The following WDR75 variants were observed in gnomAD, a reference collection of about 807,000 sequenced individuals.
The protein encoded by WDR75 is WD repeat domain 75, also known as WD repeat-containing protein 75.
A neutral mutation model predicts 106.1 loss-of-function variants in WDR75; 52 were observed. The observed-to-expected ratio is 0.49, with a 90% CI of 0.39 to 0.62. The LOEUF (loss-of-function observed/expected upper bound fraction) is 0.62, where lower values mean the gene tolerates loss of function less well. WDR75 is among the 20% of genes least tolerant of loss of function. The probability of loss-of-function intolerance (pLI) is 0.00; values close to 1 mark genes in which losing one functional copy is unlikely to be tolerated. For synonymous variants in WDR75, 333 were observed against 335.5 expected (o/e 0.99, Z 0.08); for missense variants, 905 against 970.3 (o/e 0.93, Z 0.89).
chr2:189,466,625 A>G (rs1272479892), intron 13 of WDR75, 43 bp downstream of exon 13: 8 of 1,558,130 alleles, frequency 5.1e-6, no homozygotes, highest in Middle Eastern at 3.4e-4. Context: ...GCACAATTTT[A>G]GGAATTAATT....
chr2:189,450,221 A>C, intron 2 of WDR75: 1 of 985,444 alleles, frequency 1.0e-6, no homozygotes, highest in Non-Finnish European at 1.2e-6. Context: ...TTTTAAGCAG[A>C]ATATTCTTCA....
At chr2:189,474,915 T>C in intron 20 of WDR75, 107 bp downstream of exon 20, 1 of 938,672 alleles carries the variant, frequency 1.1e-6, no homozygotes, top group South Asian at 1.5e-5. Flanking sequence ...TTTTATTTCA[T>C]AAGTTTTAAA....
chr2:189,468,608 C>T (rs1457391785), intron 15 of WDR75, 39 bp downstream of exon 15: 27 of 1,595,698 alleles, frequency 1.7e-5, no homozygotes, highest in Admixed American at 3.3e-5. Flanking sequence ...TGGCAAAGCG[C>T]ATAAGGAGTT....
At chr2:189,450,527 G>A (rs1391620927) in intron 2 of WDR75, 1 of 961,892 alleles carries the variant, frequency 1.0e-6, no homozygotes, top group Non-Finnish European at 1.3e-6. Flanking sequence ...ATGTTGGCCA[G>A]GCTGGTCTCG....
chr2:189,458,191 G>A (rs1382983795), intron 6 of WDR75, among the ~76,000 whole-genome samples: 1 of 152,116 alleles, frequency 6.6e-6, no homozygotes. Context: ...CGAAAGTGCT[G>A]GGATTACAGG....
chr2:189,451,893 C>T lies in WDR75; in HGVS notation c.371C>T (p.Pro124Leu), dbSNP rs751072525. The change falls in exon 4 of 21, where the codon CCA becomes CTA. Residue 124 changes from proline (P) to leucine (L), a missense_variant and splice_region_variant. Transcript: ENST00000314761. ...TTTGTTATAGTGAATAAAGAAAAAC[C>T]AGGTATGGTATAATTAACTTACTAT... ...SVFVIVNKEK[P>L]DIFQLVSVKL... The T allele has an allele frequency of 1.2e-6, 2 of 1,610,028 alleles. No homozygotes were observed. Among genetic ancestry groups the T allele is most frequent in the South Asian group, 2.2e-5 (2 of 90,972 alleles).
intron 2 of WDR75, chr2:189,449,767 TA>T: frequency 1.0e-6 from 1 of 984,582 alleles, no homozygotes; most frequent in Non-Finnish European, 1.2e-6. Flanking sequence ...AATTGTGATA[TA>T]AATTTCCTAG....
intron 18 of WDR75, 25 bp downstream of exon 18, chr2:189,470,903 G>C: frequency 6.4e-7 from 1 of 1,556,226 alleles, no homozygotes; most frequent in Non-Finnish European, 8.7e-7. Context: ...TTCATAGCAG[G>C]ATGTATTGCC....
intron 12 of WDR75, 55 bp downstream of exon 12, chr2:189,465,309 A>G (rs1574200899): frequency 2.0e-5 from 30 of 1,491,640 alleles, no homozygotes; most frequent in South Asian, 2.7e-5. Flanking sequence ...TTCACTTCCC[A>G]TTTTACAGTT....
chr2:189,462,439 T>G (rs1249100941), intron 8 of WDR75, 45 bp from the exon 9 acceptor site: 2 of 1,585,568 alleles, frequency 1.3e-6, no homozygotes, highest in East Asian at 4.5e-5. Flanking sequence ...TTTCTCTTTT[T>G]TCCTCAAAAC....
At chr2:189,463,000 G>T (rs1178925450) in intron 9 of WDR75, among the ~76,000 whole-genome samples, 1 of 152,128 alleles carries the variant, frequency 6.6e-6, no homozygotes, top group African/African-American at 2.4e-5. Flanking sequence ...AATACTGCAA[G>T]ATTCTCTTTT....
chr2:189,469,389 C>T lies in WDR75; in HGVS notation c.1769C>T (p.Pro590Leu). The T allele has an allele frequency of 6.2e-7, 1 of 1,613,590 alleles. No individual in the cohort carries two copies. Among genetic ancestry groups the T allele is most frequent in the Admixed American group, 1.7e-5 (1 of 59,974 alleles). Residue 590 changes from proline to leucine, a missense_variant, in exon 16 of 21, where the codon CCT becomes CTT. Coordinates refer to ENST00000314761, the MANE Select transcript of WDR75 (RefSeq NM_032168.3). Reference sequence around the variant, plus strand: ...AATGTTAGAGTTATGGAACCCGATCCTAATTCAGAGAATATTGCTGCAATC... The same window carrying T: ...AATGTTAGAGTTATGGAACCCGATCTTAATTCAGAGAATATTGCTGCAATC... Reference protein sequence around the residue: ...KLNVRVMEPDPNSENIAAISQ... With the variant: ...KLNVRVMEPDLNSENIAAISQ...
intron 6 of WDR75, among the ~76,000 whole-genome samples, 191 bp from the exon 7 acceptor site, chr2:189,458,562 A>G (rs918099242): frequency 2.0e-5 from 3 of 152,170 alleles, no homozygotes; most frequent in African/African-American, 4.8e-5. Context: ...ATATTGATAT[A>G]TGTTTACAAA....
At chr2:189,470,974 C>T in intron 18 of WDR75, 96 bp downstream of exon 18, 1 of 925,790 alleles carries the variant, frequency 1.1e-6, no homozygotes, top group Non-Finnish European at 1.5e-6. Context: ...TTCACTTGGC[C>T]CTAAAATAGA....
chr2:189,451,942 C>A, intron 4 of WDR75, 47 bp downstream of exon 4: 1 of 1,444,806 alleles, frequency 6.9e-7, no homozygotes, highest in Non-Finnish European at 9.5e-7. Flanking sequence ...TGGCTCTTTA[C>A]ATTTTACAGT....
intron 1 of WDR75, among the ~76,000 whole-genome samples, chr2:189,443,646 TAGTC>T (rs1686433857): frequency 6.6e-6 from 1 of 152,100 alleles, no homozygotes; most frequent in Admixed American, 6.5e-5. Flanking sequence ...GGGAGTTACA[TAGTC>T]AGTTTTACCT....
At chr2:189,463,052 T>C (rs1017362782) in intron 9 of WDR75, among the ~76,000 whole-genome samples, 12 of 152,188 alleles carry the variant, frequency 7.9e-5, no homozygotes, top group African/African-American at 2.2e-4. Context: ...GTAGATTTGA[T>C]AGAAATAGAG....
chr2:189,453,832 A>C (rs1009460235), intron 4 of WDR75, among the ~76,000 whole-genome samples: 2 of 152,312 alleles, frequency 1.3e-5, no homozygotes, highest in East Asian at 1.9e-4. Context: ...TATGTTCCAC[A>C]GCCCAAAACC....
Position 189,475,454 on chromosome 2 carries a change from TTTGA to T in WDR75, c.*41_*44del. 1 of 1,269,004 alleles carries T rather than the reference TTTGA, an allele frequency of 7.9e-7. No individual in the cohort carries two copies. The highest frequency in any genetic ancestry group is 1.5e-5 in the African/African-American group (1 of 66,580). The allele number at this position is 1,269,004 out of a possible 1,614,324, so 78.6% of individuals were successfully genotyped here. ...GGGGAGGATCCTTGGACTTTGTGTT[TTTGA>T]TTGTATGTTGATATTCTAAAAACAT... On this transcript the variant is annotated 3_prime_UTR_variant, in exon 21 of 21. Coordinates refer to ENST00000314761, the MANE Select transcript of WDR75 (RefSeq NM_032168.3).
Sources: allele counts gnomAD v4.1 joint callset (sites outside exome capture counted in the v4.1 genomes callset), GRCh38; gene constraint gnomAD v4.1.1; transcripts MANE v1.5; gene names NCBI Gene and HGNC (gene_info 2026-07-23, HGNC 2026-07-21).